The following USP54 variants were observed in gnomAD, a reference collection of about 807,000 sequenced individuals.
USP54 encodes ubiquitin carboxyl-terminal hydrolase 54.
A neutral mutation model predicts 170.5 loss-of-function variants in USP54; 87 were observed. The observed-to-expected ratio is 0.51, with a 90% CI of 0.43 to 0.61. The LOEUF is 0.61. Among genes scored for constraint, USP54 ranks in the 20% least tolerant of loss-of-function variants. USP54 has a pLI of 0.00. For synonymous variants in USP54, 655 were observed against 742.8 expected (o/e 0.88, Z 1.92); for missense variants, 1,786 against 2,047.8 (o/e 0.87, Z 2.47).
At chr10:73,502,083 T>A (rs150715157) in intron 22 of USP54, among the ~76,000 whole-genome samples, 208 of 152,354 alleles carry the variant, frequency 1.4e-3, no homozygotes, top group Non-Finnish European at 2.6e-3. Flanking sequence ...GAACAGTGCC[T>A]AGAACAATGT....
At chr10:73,506,152 T>C (rs2059098581) in intron 20 of USP54, 1 of 152,196 alleles carries the variant, frequency 6.6e-6, no homozygotes, top group African/African-American at 2.4e-5. Context: ...GAAAATGAGT[T>C]CCAGGGTCTG....
intron 1 of USP54, among the ~76,000 whole-genome samples, chr10:73,580,156 T>C (rs2076693220): frequency 6.6e-6 from 1 of 151,580 alleles, no homozygotes; most frequent in Non-Finnish European, 1.5e-5. Context: ...AAACCCTGTC[T>C]CTACTAAAAA....
chr10:73,550,844 C>T (rs965957643), intron 4 of USP54, among the ~76,000 whole-genome samples: 3 of 152,110 alleles, frequency 2.0e-5, no homozygotes, highest in Non-Finnish European at 4.4e-5. Flanking sequence ...TGGTGGCTCA[C>T]GCCTGCAATC....
rs531181169 is a variant in USP54, at chr10:73,607,521, A to G, written c.-18+18046T>C. Reference sequence around the variant, plus strand: ...ATTATTCAAAAGGGTGGAAATACGAAAACTTTAATTTTAAAAACTAAGAAG... The same window carrying G: ...ATTATTCAAAAGGGTGGAAATACGAGAACTTTAATTTTAAAAACTAAGAAG... On this transcript the variant is annotated intron_variant, in intron 1 of 22. Coordinates refer to the USP54 transcript ENST00000339859. Among the ~76,000 whole-genome samples the G allele has an allele frequency of 2.2e-3, 341 of 152,102 alleles. 2 individuals are homozygous for G. Among genetic ancestry groups the G allele is most frequent in the Non-Finnish European group, 3.8e-3 (256 of 67,980 alleles).
At chr10:73,582,953 C>T (rs2077061985) in intron 1 of USP54, among the ~76,000 whole-genome samples, 1 of 152,178 alleles carries the variant, frequency 6.6e-6, no homozygotes, top group Admixed American at 6.5e-5. Context: ...ATATTGACAT[C>T]ATGAATGCCA....
intron 21 of USP54, 38 bp downstream of exon 21, chr10:73,505,270 C>T: frequency 6.3e-7 from 1 of 1,580,450 alleles, no homozygotes; most frequent in Non-Finnish European, 8.7e-7. Flanking sequence ...CCCAACACAC[C>T]ACCCCAGGCC....
intron 20 of USP54, among the ~76,000 whole-genome samples, chr10:73,513,786 A>C (rs2060601272): frequency 6.6e-6 from 1 of 152,106 alleles, no homozygotes; most frequent in Non-Finnish European, 1.5e-5. Flanking sequence ...TGCAATGAAA[A>C]ATGTTGCTAT....
chr10:73,538,051 A>C (rs2065648883), intron 10 of USP54: 1 of 152,142 alleles, frequency 6.6e-6, no homozygotes, highest in Admixed American at 6.6e-5. Context: ...CTAAAAATAC[A>C]AAAATCAGCC....
chr10:73,524,548 C>T (rs1344818841), intron 16 of USP54, among the ~76,000 whole-genome samples: 1 of 152,018 alleles, frequency 6.6e-6, no homozygotes, highest in Non-Finnish European at 1.5e-5. Context: ...CCATTGCACT[C>T]CAGCCTGGGA....
At chr10:73,617,779 G>A (rs1589420890) in intron 1 of USP54, among the ~76,000 whole-genome samples, 1 of 150,276 alleles carries the variant, frequency 6.7e-6, no homozygotes. Context: ...GCATGGTGGT[G>A]CACATCTGTA....
intron 15 of USP54, among the ~76,000 whole-genome samples, chr10:73,528,375 C>T (rs2063335200): frequency 3.9e-5 from 6 of 151,972 alleles, no homozygotes; most frequent in Admixed American, 3.9e-4. Context: ...CCTCAGCCTC[C>T]CAAGTAGCTG....
intron 4 of USP54, among the ~76,000 whole-genome samples, chr10:73,566,165 G>C (rs773753206): frequency 6.6e-6 from 1 of 152,104 alleles, no homozygotes; most frequent in South Asian, 2.1e-4. Flanking sequence ...GGGAGGCGGA[G>C]GTTGCAGTGA....
At chr10:73,618,647 G>A (rs939109497) in intron 1 of USP54, among the ~76,000 whole-genome samples, 1 of 148,530 alleles carries the variant, frequency 6.7e-6, no homozygotes, top group South Asian at 2.1e-4. Flanking sequence ...GGAGGCTGAG[G>A]AAGGAGAATC....
intron 16 of USP54, among the ~76,000 whole-genome samples, chr10:73,524,453 G>A (rs554914216): frequency 9.3e-4 from 142 of 151,994 alleles, no homozygotes; most frequent in African/African-American, 3.2e-3. Context: ...GGTGGCAGGC[G>A]CCTGTTATCC....
chr10:73,517,892 G>A (rs1196015096), intron 19 of USP54, 145 bp from the exon 20 acceptor site: 2 of 1,093,602 alleles, frequency 1.8e-6, no homozygotes, highest in Non-Finnish European at 2.6e-6. Flanking sequence ...AGTAGAGTCA[G>A]TAGTTCAGAG....
chr10:73,541,416 C>A lies in USP54; in HGVS notation c.784G>T (p.Asp262Tyr), dbSNP rs2066574025. Reference sequence around the variant, plus strand: ...CAGGTTCCCAGGCTGTGGATAACATCTTCTGCTAAGTCTGAGTGGTCTGAG... The same window carrying A: ...CAGGTTCCCAGGCTGTGGATAACATATTCTGCTAAGTCTGAGTGGTCTGAG... ...WDSDHSDLAEDVIHSLGTCLK... is the reference protein window; with the variant it reads ...WDSDHSDLAEYVIHSLGTCLK... Residue 262 changes from aspartate to tyrosine, a missense_variant, in exon 9 of 24, where the codon GAT becomes TAT. By Grantham distance (160) the Asp-to-Tyr change is radical. Transcript: ENST00000687698. The A allele has an allele frequency of 6.2e-7, 1 of 1,614,176 alleles. No individual in the cohort carries two copies. Among genetic ancestry groups the A allele is most frequent in the East Asian group, 2.2e-5 (1 of 44,894 alleles).
chr10:73,571,152 A>G (rs2075113871), intron 4 of USP54, among the ~76,000 whole-genome samples: 1 of 150,122 alleles, frequency 6.7e-6, no homozygotes, highest in South Asian at 2.1e-4. Context: ...AAAAAAAAAA[A>G]AAAAAAAAAA....
rs2057338507 is a variant in USP54, at chr10:73,497,887, G to C, written c.*742C>G. 1 of 152,302 alleles carries C rather than the reference G, an allele frequency of 6.6e-6. No individual in the cohort carries two copies. The highest frequency in any genetic ancestry group is 2.4e-5 in the African/African-American group (1 of 41,442). The allele number at this position is 152,302 out of a possible 1,614,324, so 9.4% of individuals were successfully genotyped here. A position where few individuals can be genotyped will look rare whatever the true frequency, so the allele number is the denominator to read the frequency against. On this transcript the variant is annotated 3_prime_UTR_variant, in exon 24 of 24. Transcript: ENST00000687698. ...AGGATGGGAGACAGGGAAGACAAAGGGTCAGGTAATAGGGATAGGTGGATA... is the reference window on the plus strand; with the variant it reads ...AGGATGGGAGACAGGGAAGACAAAGCGTCAGGTAATAGGGATAGGTGGATA...
intron 1 of USP54, among the ~76,000 whole-genome samples, chr10:73,601,754 G>C (rs2079181033): frequency 6.6e-6 from 1 of 152,198 alleles, no homozygotes; most frequent in Non-Finnish European, 1.5e-5. Flanking sequence ...CAGAGCCAAA[G>C]TAAGTCTTTC....
Sources: allele counts gnomAD v4.1 joint callset (sites outside exome capture counted in the v4.1 genomes callset), GRCh38; gene constraint gnomAD v4.1.1; transcripts MANE v1.5; gene names NCBI Gene and HGNC (gene_info 2026-07-23, HGNC 2026-07-21).